The following NAV3 variants were observed in gnomAD, a reference collection of about 807,000 sequenced individuals.
NAV3 encodes neuron navigator 3.
A neutral mutation model predicts 244.7 loss-of-function variants in NAV3; 87 were observed. The observed-to-expected ratio is 0.36, with a 90% CI of 0.30 to 0.42. The LOEUF (loss-of-function observed/expected upper bound fraction) is 0.42. NAV3 is among the 20% of genes least tolerant of loss of function. The pLI, the probability that NAV3 is intolerant of heterozygous loss-of-function variation, is 1.00. For missense variants in NAV3, 2,663 were observed against 2,893.3 expected, an observed-to-expected ratio of 0.92 and a Z score of 1.83; for synonymous variants, 1,126 against 1,042.2, an observed-to-expected ratio of 1.08 and a Z score of -1.55.
chr12:77,766,755 T>G (rs1335391030), intron 2 of NAV3, among the ~76,000 whole-genome samples: 5 of 123,192 alleles, frequency 4.1e-5, no homozygotes, highest in Middle Eastern at 3.9e-3. Context: ...TTTTTTTTTT[T>G]TTTTTTTTTT....
In NAV3 at chr12:78,050,877, C is replaced by T. The variant is rs749764974; in HGVS notation, c.2246C>T (p.Pro749Leu). The T allele has an allele frequency of 9.9e-6, 16 of 1,614,086 alleles. No homozygotes were observed. The South Asian group carries it at 1.1e-4, about 11-fold the overall frequency. Residue 749 changes from proline to leucine, a missense_variant, in exon 11 of 40, where the codon CCG becomes CTG. Transcript: ENST00000397909. ...ACCTGGAGGTTGGGCCAGGCATGTC[C>T]GCGACTTCAGGCGGGAGATGCTCCC... ...PMTWRLGQAC[P>L]RLQAGDAPSL...
chr12:78,112,165 A>C (rs1159805379), intron 12 of NAV3, among the ~76,000 whole-genome samples: 1 of 152,188 alleles, frequency 6.6e-6, no homozygotes, highest in Non-Finnish European at 1.5e-5. Context: ...CTGATAGAAA[A>C]CAACTGAATA....
At chr12:77,612,997 C>T (rs913510047) in intron 2 of NAV3, among the ~76,000 whole-genome samples, 1 of 152,056 alleles carries the variant, frequency 6.6e-6, no homozygotes, top group Non-Finnish European at 1.5e-5. Flanking sequence ...ATTTACTTCC[C>T]CTTCCGCCGT....
chr12:78,023,390 C>A (rs567192867), intron 9 of NAV3, among the ~76,000 whole-genome samples: 1 of 151,860 alleles, frequency 6.6e-6, no homozygotes, highest in Non-Finnish European at 1.5e-5. Context: ...AATAGAATAC[C>A]TGAAAGTGAA....
At chr12:77,910,411 G>A (rs1028983533) in intron 1 of NAV3, among the ~76,000 whole-genome samples, 1 of 152,056 alleles carries the variant, frequency 6.6e-6, no homozygotes, top group Non-Finnish European at 1.5e-5. Context: ...GCACCAAGCC[G>A]TTCAGTAGGG....
intron 12 of NAV3, among the ~76,000 whole-genome samples, chr12:78,097,002 TG>T (rs539863055): frequency 9.1e-4 from 139 of 152,276 alleles, no homozygotes; most frequent in African/African-American, 3.2e-3. Flanking sequence ...CAACAATCTG[TG>T]GACTAAAATC....
intron 2 of NAV3, among the ~76,000 whole-genome samples, chr12:77,660,096 A>C (rs1272982155): frequency 6.6e-6 from 1 of 152,158 alleles, no homozygotes; most frequent in Admixed American, 6.5e-5. Context: ...GTACCCTAAA[A>C]GTTAAAGTAT....
intron 2 of NAV3, among the ~76,000 whole-genome samples, chr12:77,657,296 A>G (rs1262396195): frequency 6.6e-6 from 1 of 152,232 alleles, no homozygotes; most frequent in Non-Finnish European, 1.5e-5. Context: ...TCCCACAGAA[A>G]TACAAACTAC....
At chr12:78,120,096 A>C in intron 15 of NAV3, 151 bp downstream of exon 15, 1 of 438,922 alleles carries the variant, frequency 2.3e-6, no homozygotes, top group Non-Finnish European at 3.6e-6. Context: ...AGTGAGCTCT[A>C]TGAAGCTTAT....
chr12:77,730,464 CA>C (rs1877069222), intron 2 of NAV3, among the ~76,000 whole-genome samples: 1 of 151,430 alleles, frequency 6.6e-6, no homozygotes, highest in South Asian at 2.1e-4. Context: ...AAAAAGAAAA[CA>C]AAGGAGAATC....
chr12:77,991,347 G>A (rs905164024), intron 5 of NAV3, among the ~76,000 whole-genome samples: 8 of 152,152 alleles, frequency 5.3e-5, no homozygotes, highest in African/African-American at 1.9e-4. Context: ...TAAGAGACAA[G>A]AGTAGGCAAA....
intron 9 of NAV3, among the ~76,000 whole-genome samples, chr12:78,026,445 T>C (rs998036938): frequency 3.3e-5 from 5 of 152,208 alleles, no homozygotes; most frequent in Non-Finnish European, 5.9e-5. Context: ...CTTAGAGTTA[T>C]TCATGGCTCC....
chr12:77,845,773 C>T (rs185276865), intron 1 of NAV3, among the ~76,000 whole-genome samples: 3 of 151,904 alleles, frequency 2.0e-5, no homozygotes, highest in Admixed American at 2.0e-4. Context: ...CCTGCCTCAG[C>T]CTCCCAAGTA....
At chr12:77,996,828 A>G (rs2136425308) in intron 6 of NAV3, among the ~76,000 whole-genome samples, 1 of 152,304 alleles carries the variant, frequency 6.6e-6, no homozygotes, top group Admixed American at 6.5e-5. Flanking sequence ...TAGATTTTGA[A>G]TTCTTGTTTT....
chr12:78,186,914 T>G (rs991653040), intron 31 of NAV3, among the ~76,000 whole-genome samples: 5 of 151,856 alleles, frequency 3.3e-5, no homozygotes, highest in African/African-American at 1.2e-4. Context: ...CCTCAGTGTC[T>G]GTAGGTAGGA....
chr12:78,002,407 G>A (rs1433482449), intron 7 of NAV3, among the ~76,000 whole-genome samples: 3 of 152,172 alleles, frequency 2.0e-5, no homozygotes, highest in Non-Finnish European at 4.4e-5. Flanking sequence ...CTAATCAGGT[G>A]TCTTCTGGTG....
chr12:77,605,205 A>G (rs934796683), intron 2 of NAV3, among the ~76,000 whole-genome samples: 9 of 152,210 alleles, frequency 5.9e-5, no homozygotes, highest in African/African-American at 9.6e-5. Context: ...CATTCATTCA[A>G]TCATCTCAAT....
At chr12:78,180,705 T>A (rs1958460803) in intron 29 of NAV3, among the ~76,000 whole-genome samples, 166 bp from the exon 30 acceptor site, 1 of 152,092 alleles carries the variant, frequency 6.6e-6, no homozygotes, top group Non-Finnish European at 1.5e-5. Flanking sequence ...AAAGGTTAAA[T>A]TTCCTTCTTG....
chr12:77,855,379 T>C (rs191066022), intron 1 of NAV3, among the ~76,000 whole-genome samples: 1 of 152,302 alleles, frequency 6.6e-6, no homozygotes, highest in Admixed American at 6.5e-5. Context: ...CTTAACATTG[T>C]TACAAAATGA....
Sources: allele counts gnomAD v4.1 joint callset (sites outside exome capture counted in the v4.1 genomes callset), GRCh38; gene constraint gnomAD v4.1.1; transcripts MANE v1.5; gene names NCBI Gene and HGNC (gene_info 2026-07-23, HGNC 2026-07-21).